Variants in RSPH10B observed in about 807,000 individuals in gnomAD.
The protein encoded by RSPH10B is radial spoke head 10 homolog B.
A neutral mutation model predicts 52.5 loss-of-function variants in RSPH10B; 7 were observed. The observed-to-expected ratio is 0.13, with a 90% CI of 0.08 to 0.25. The LOEUF is 0.25. Among genes scored for constraint, RSPH10B ranks in the 10% least tolerant of loss-of-function variants. The pLI is 1.00. For synonymous variants in RSPH10B, 28 were observed against 193.2 expected, an observed-to-expected ratio of 0.14 and a Z score of 7.09; for missense variants, 89 against 542.5, an observed-to-expected ratio of 0.16 and a Z score of 8.30.
chr7:5,966,304 T>C (rs1384243381), intron 1 of RSPH10B, among the ~76,000 whole-genome samples: 1 of 92,012 alleles, frequency 1.1e-5, no homozygotes, highest in African/African-American at 4.1e-5. Flanking sequence ...ACACTTAAAA[T>C]AATTAAGATA....
chr7:5,966,486 AT>A (rs1293626961), intron 1 of RSPH10B, among the ~76,000 whole-genome samples: 3 of 97,314 alleles, frequency 3.1e-5, no homozygotes, highest in Non-Finnish European at 4.4e-5. Flanking sequence ...AAATAAAATA[AT>A]TTTTTTAAAT....
chr7:5,957,797 C>G lies in RSPH10B; in HGVS notation c.780+110G>C. 1.4e-6 allele frequency: 2 copies of G among 1,457,208 alleles called. 1 individual carries two copies. Among genetic ancestry groups the G allele is most frequent in the South Asian group, 2.7e-5 (2 of 73,130 alleles). The allele number at this position is 1,457,208 out of a possible 1,614,324, so 90.3% of individuals were successfully genotyped here. A position where few individuals can be genotyped will look rare whatever the true frequency, so the allele number is the denominator to read the frequency against. Reference sequence around the variant, plus strand: ...GGAGACAGACAGAGAGAGACTCTGTCTCAAAACAAAAACAAAAACAAAAAC... The same window carrying G: ...GGAGACAGACAGAGAGAGACTCTGTGTCAAAACAAAAACAAAAACAAAAAC... On this transcript the variant is annotated intron_variant, in intron 6 of 18. Coordinates refer to ENST00000337579, the Ensembl canonical transcript of RSPH10B.
At chr7:5,931,496 C>G (rs538143963) in intron 17 of RSPH10B, among the ~76,000 whole-genome samples, 1 of 151,428 alleles carries the variant, frequency 6.6e-6, no homozygotes, top group African/African-American at 2.4e-5. Flanking sequence ...GACACCAAGG[C>G]GGGAAGATCA....
In RSPH10B at chr7:5,931,775, C is replaced by T. The variant is rs371075217; in HGVS notation, c.2233+1007G>A. On this transcript the variant is annotated intron_variant, in intron 17 of 18. Coordinates refer to ENST00000337579, the Ensembl canonical transcript of RSPH10B. ...CAGTACTTTAGGAGGCTGAGGCAGG[C>T]AGATCACCTGAGGTCAGGAGTTTGA... Among the ~76,000 whole-genome samples the T allele has an allele frequency of 2.1e-4, 32 of 150,778 alleles. No homozygotes were observed. In the East Asian group the frequency reaches 3.7e-3, roughly 17 times the overall value.
At position 5,931,990 on chromosome 7, in the gene RSPH10B, A is replaced by AAAAAAG. The variant is rs1156719763; in HGVS notation, c.2233+786_2233+791dup. Among the ~76,000 whole-genome samples, 373 of 151,202 alleles carry AAAAAAG rather than the reference A, an allele frequency of 2.5e-3. 3 individuals carry two copies. Among genetic ancestry groups the AAAAAAG allele is most frequent in the African/African-American group, 8.3e-3 (343 of 41,170 alleles). On this transcript the variant is annotated intron_variant, in intron 17 of 18. Transcript: ENST00000337579. ...GGCAAGAAAGTAAAACCCTGTCTCAAAAAAAGAAAAAGAAAAGAAAAGAAA... is the reference window on the plus strand; with the variant it reads ...GGCAAGAAAGTAAAACCCTGTCTCAAAAAAAGAAAAAGAAAAAGAAAAGAAAAGAAA...
chr7:5,955,479 T>C (rs1439084332), intron 7 of RSPH10B, among the ~76,000 whole-genome samples: 5 of 2,070 alleles, frequency 2.4e-3, no homozygotes, highest in African/African-American at 8.1e-3. Flanking sequence ...CCAGGCGTGG[T>C]GGCTCACGCC....
intron 17 of RSPH10B, among the ~76,000 whole-genome samples, chr7:5,929,638 TTTC>T (rs1381944823): frequency 3.2e-4 from 1 of 3,114 alleles, no homozygotes; most frequent in African/African-American, 2.0e-3. Context: ...CCTCTCTATC[TTTC>T]TTGTCTAGGC....
intron 13 of RSPH10B, among the ~76,000 whole-genome samples, chr7:5,939,074 T>A: frequency 1.4e-5 from 1 of 72,986 alleles, no homozygotes; most frequent in Non-Finnish European, 2.9e-5. Flanking sequence ...TAGCTGGGAC[T>A]ACAGGAACAC....
At chr7:5,942,988 C>G (rs1489729868) in intron 13 of RSPH10B, among the ~76,000 whole-genome samples, 1 of 147,824 alleles carries the variant, frequency 6.8e-6, no homozygotes, top group Admixed American at 6.9e-5. Flanking sequence ...TGGTCTTGAA[C>G]TCCTTGACCT....
At chr7:5,938,246 C>G (rs201782869) in intron 14 of RSPH10B, among the ~76,000 whole-genome samples, 25,449 of 78,014 alleles carry the variant, frequency 0.33, 3,082 homozygotes, top group East Asian at 0.58. Flanking sequence ...ACAGTGAGAC[C>G]CATTCTGTAC....
At chr7:5,941,690 GC>G (rs1420325356) in intron 13 of RSPH10B, among the ~76,000 whole-genome samples, 1 of 139,806 alleles carries the variant, frequency 7.2e-6, no homozygotes, top group African/African-American at 2.6e-5. Flanking sequence ...GTTGCAGTGA[GC>G]CGAGACCTCA....
At chr7:5,928,175 A>G (rs1481072249) in intron 18 of RSPH10B, 21 bp downstream of exon 20, 1 of 1,607,470 alleles carries the variant, frequency 6.2e-7, no homozygotes, top group Non-Finnish European at 8.5e-7. Context: ...GGGGAAGGAG[A>G]GGAGGGACCT....
intron 17 of RSPH10B, among the ~76,000 whole-genome samples, chr7:5,929,206 A>C (rs372303267): frequency 7.0e-6 from 1 of 143,052 alleles, no homozygotes; most frequent in Non-Finnish European, 1.5e-5. Flanking sequence ...GTGAGGCAAG[A>C]TCTTGCTCTG....
chr7:5,931,500 A>G (rs1484802810), intron 17 of RSPH10B, among the ~76,000 whole-genome samples: 4 of 151,250 alleles, frequency 2.6e-5, no homozygotes, highest in Non-Finnish European at 4.4e-5. Context: ...CCAAGGCGGG[A>G]AGATCACTTG....
intron 10 of RSPH10B, among the ~76,000 whole-genome samples, chr7:5,947,729 C>T (rs62454715): frequency 0.027 from 1,861 of 68,430 alleles, no homozygotes; most frequent in Middle Eastern, 0.056. Flanking sequence ...AAAAACAAAA[C>T]AAAACAAAAC....
intron 3 of RSPH10B, among the ~76,000 whole-genome samples, chr7:5,961,401 G>A (rs1179876154): frequency 9.2e-5 from 13 of 140,890 alleles, no homozygotes; most frequent in African/African-American, 3.4e-4. Context: ...GTGCAATGGC[G>A]CCATCTCGGC....
rs190743688 is a variant in RSPH10B, at chr7:5,929,251, C to G, written c.2234-857G>C. 2.8e-3 allele frequency among the ~76,000 whole-genome samples: 410 copies of G among 143,864 alleles called. 3 individuals carry two copies. Among genetic ancestry groups the G allele is most frequent in the African/African-American group, 0.011 (396 of 37,522 alleles). 94.4% of individuals were successfully genotyped at this position (143,864 alleles called of 152,430 possible). On this transcript the variant is annotated intron_variant, in intron 17 of 18. Coordinates refer to ENST00000337579, the Ensembl canonical transcript of RSPH10B. ...CTGGAGTGCAGTGGTACCATCATGG[C>G]TCACTGCAGCCTCCAACTCCTGGGC...
At chr7:5,927,096 G>GTT (rs1458352331) in intron 18 of RSPH10B, among the ~76,000 whole-genome samples, 2 of 140,044 alleles carry the variant, frequency 1.4e-5, no homozygotes, top group Non-Finnish European at 3.1e-5. Flanking sequence ...GTGTGTGTGT[G>GTT]TATTTTTTTT....
chr7:5,930,958 T>G (rs1409685222), intron 17 of RSPH10B, among the ~76,000 whole-genome samples: 2 of 97,022 alleles, frequency 2.1e-5, no homozygotes, highest in African/African-American at 7.4e-5. Flanking sequence ...TTTTTTGATA[T>G]GGAGTCTCAC....
Sources: allele counts gnomAD v4.1 joint callset (sites outside exome capture counted in the v4.1 genomes callset), GRCh38; gene constraint gnomAD v4.1.1; transcripts MANE v1.5; gene names NCBI Gene and HGNC (gene_info 2026-07-23, HGNC 2026-07-21).